UROC1: variants seen among roughly 807,000 people sequenced by gnomAD.
UROC1 encodes the protein urocanate hydratase.
In UROC1, 79 loss-of-function variants were observed where a neutral mutation model predicts 89.5. That is an observed-to-expected ratio of 0.88 (90% CI 0.74 to 1.06). The LOEUF (loss-of-function observed/expected upper bound fraction) is 1.06. Among genes scored for constraint, UROC1 ranks in the 50% least tolerant of loss-of-function variants. The pLI is 0.00. For synonymous variants in UROC1, 361 were observed against 354.8 expected (o/e 1.02, Z -0.20); for missense variants, 885 against 907.8 (o/e 0.97, Z 0.32).
chr3:126,486,737 G>C (rs549159967), intron 18 of UROC1, among the ~76,000 whole-genome samples: 60 of 152,244 alleles, frequency 3.9e-4, no homozygotes, highest in Non-Finnish European at 7.1e-4. Context: ...AGAGTTGCGG[G>C]GGGTGGGGCG....
At chr3:126,493,138 G>C (rs1442262298) in intron 15 of UROC1, among the ~76,000 whole-genome samples, 2 of 152,188 alleles carry the variant, frequency 1.3e-5, no homozygotes, top group Non-Finnish European at 2.9e-5. Context: ...TTGTCCCCGG[G>C]AGACAGCTTC....
rs754495263 is a variant in UROC1, at chr3:126,510,740, C to A, written c.181G>T (p.Ala61Ser). 6.2e-7 allele frequency: 1 copy of A among 1,614,176 alleles called. No individual in the cohort carries two copies. Among genetic ancestry groups the A allele is most frequent in the Admixed American group, 1.7e-5 (1 of 60,032 alleles). ...YFPPDVQELL[A>S]PEFAQELQLY... Reference sequence around the variant, plus strand: ...TGCAGCTCCTGGGCAAACTCTGGGGCCAGCAGCTCCTGGACATCCGGGGGG... The same window carrying A: ...TGCAGCTCCTGGGCAAACTCTGGGGACAGCAGCTCCTGGACATCCGGGGGG... The change falls in exon 2 of 20, where the codon GCC becomes TCC. Residue 61 changes from alanine to serine, a missense_variant. Ala to Ser is a moderately conservative substitution (Grantham distance 99). Transcript: ENST00000290868.
chr3:126,488,112 T>G, intron 18 of UROC1, 86 bp downstream of exon 18: 1 of 1,459,290 alleles, frequency 6.9e-7, no homozygotes, highest in African/African-American at 1.4e-5. Context: ...GGCCCAGGAC[T>G]TCAGGAACCT....
chr3:126,505,445 C>A (rs922424665), intron 8 of UROC1, among the ~76,000 whole-genome samples: 2 of 152,060 alleles, frequency 1.3e-5, no homozygotes, highest in African/African-American at 4.8e-5. Flanking sequence ...GTTTTGTGGT[C>A]AGAGTTTTGT....
intron 1 of UROC1, among the ~76,000 whole-genome samples, chr3:126,514,943 C>T (rs1013193695): frequency 2.0e-5 from 3 of 152,012 alleles, no homozygotes; most frequent in Admixed American, 2.0e-4. Flanking sequence ...TCTTCAAATA[C>T]ATATGTTAAA....
chr3:126,499,031 A>G (rs991673043), intron 13 of UROC1, among the ~76,000 whole-genome samples: 11 of 151,962 alleles, frequency 7.2e-5, no homozygotes, highest in African/African-American at 2.7e-4. Context: ...GCCTGTGAAG[A>G]CATATTATTC....
At position 126,489,370 on chromosome 3, in the gene UROC1, C is replaced by T. The variant is rs750426480; in HGVS notation, c.1614G>A (p.Pro538=). The T allele has an allele frequency of 5.0e-6, 8 of 1,611,690 alleles. No individual in the cohort carries two copies. The highest frequency in any genetic ancestry group is 2.2e-5 in the East Asian group (1 of 44,872). Reference sequence around the variant, plus strand: ...CATGGTGATCTCGGCTCAGGACCACCGGCGCCTGTGCATGGAAGGACAGAA... The same window carrying T: ...CATGGTGATCTCGGCTCAGGACCACTGGCGCCTGTGCATGGAAGGACAGAA... ...QAIACRRIKA[P]VVLSRDHHDV... is the part of the protein sequence containing the mutation. The change falls in exon 17 of 20, where the codon CCG becomes CCA. Residue 538 remains proline (P), a synonymous_variant. Coordinates refer to ENST00000290868, the MANE Select transcript of UROC1 (RefSeq NM_144639.3).
intron 4 of UROC1, 110 bp from the exon 5 acceptor site, chr3:126,508,205 T>C (rs1203408949): frequency 3.1e-6 from 5 of 1,597,250 alleles, no homozygotes; most frequent in Non-Finnish European, 4.3e-6. Flanking sequence ...CAGGTCTCCA[T>C]TCCACTCCAG....
chr3:126,510,123 C>A (rs78938393), intron 2 of UROC1, among the ~76,000 whole-genome samples: 1 of 152,152 alleles, frequency 6.6e-6, no homozygotes, highest in Non-Finnish European at 1.5e-5. Flanking sequence ...AAGCCTGGGC[C>A]GCTGGCACCT....
intron 15 of UROC1, among the ~76,000 whole-genome samples, chr3:126,495,722 TC>T (rs1935760462): frequency 6.6e-6 from 1 of 152,230 alleles, no homozygotes; most frequent in African/African-American, 2.4e-5. Context: ...TGCAGAAGCT[TC>T]CTCCTGATTT....
chr3:126,499,424 C>CTGTG lies in UROC1; in HGVS notation c.1244-16_1244-15insCACA. On this transcript the variant is annotated splice_polypyrimidine_tract_variant and intron_variant, in intron 12 of 19. Coordinates refer to ENST00000290868, the MANE Select transcript of UROC1 (RefSeq NM_144639.3). ...CACATCCGCTCCTGTGGGCAGAGCC[C>CTGTG]GGACAGTCACCACCCAAGGCAGGAC... is the stretch of plus-strand genomic sequence containing the variant. The CTGTG allele has an allele frequency of 1.2e-6, 2 of 1,607,362 alleles. No individual in the cohort carries two copies. The highest frequency in any genetic ancestry group is 1.7e-6 in the Non-Finnish European group (2 of 1,177,070).
chr3:126,503,617 A>G (rs1935986788), intron 9 of UROC1, among the ~76,000 whole-genome samples: 1 of 152,236 alleles, frequency 6.6e-6, no homozygotes, highest in Non-Finnish European at 1.5e-5. Context: ...CTGCGAGCCC[A>G]CACAGCAGGG....
chr3:126,507,117 A>G (rs1560125935), intron 6 of UROC1, among the ~76,000 whole-genome samples: 3 of 152,188 alleles, frequency 2.0e-5, no homozygotes, highest in Non-Finnish European at 4.4e-5. Context: ...CATTACCTCT[A>G]TAACAAATGA....
chr3:126,490,866 C>A (rs1282143541), intron 16 of UROC1, among the ~76,000 whole-genome samples: 2 of 152,172 alleles, frequency 1.3e-5, no homozygotes. Context: ...TTGCAGTGCA[C>A]CTGGGGAGCA....
At chr3:126,517,129 C>A (rs1452455192) in intron 1 of UROC1, among the ~76,000 whole-genome samples, 1 of 152,200 alleles carries the variant, frequency 6.6e-6, no homozygotes, top group African/African-American at 2.4e-5. Context: ...CTGGCCTCAG[C>A]CCATCTTTCC....
At chr3:126,487,166 C>T (rs553354411) in intron 18 of UROC1, among the ~76,000 whole-genome samples, 56 of 152,142 alleles carry the variant, frequency 3.7e-4, no homozygotes, top group Non-Finnish European at 6.8e-4. Flanking sequence ...GGCCTGCCTT[C>T]GGCTGTCTGT....
chr3:126,489,242 A>G lies in UROC1; in HGVS notation c.1708+34T>C, dbSNP rs748938156. The G allele has an allele frequency of 3.2e-6, 5 of 1,558,220 alleles. No homozygotes were observed. In the South Asian group the frequency reaches 3.3e-5, roughly 10 times the overall value. On this transcript the variant is annotated intron_variant, in intron 17 of 19. Coordinates refer to ENST00000290868, the MANE Select transcript of UROC1 (RefSeq NM_144639.3). ...CAATTTTTAATAAAATCCAAATCTA[A>G]GATGAAAGTTTAAGACATTCTCATC...
intron 2 of UROC1, among the ~76,000 whole-genome samples, 188 bp downstream of exon 2, chr3:126,510,476 G>A (rs981987577): frequency 1.7e-4 from 26 of 152,224 alleles, no homozygotes; most frequent in African/African-American, 5.3e-4. Context: ...GGCTCAGGGC[G>A]GCAGCCAGCG....
rs554899708 is a variant in UROC1 at position 126,501,724 on chromosome 3, G to A, written c.903-444C>T. ...CAGAAGATTTGAACAGGCCTTGCAGGTAGTAGAGATATCAAAAAGCAGCAA... is the reference window on the plus strand; with the variant it reads ...CAGAAGATTTGAACAGGCCTTGCAGATAGTAGAGATATCAAAAAGCAGCAA... On this transcript the variant is annotated intron_variant, in intron 9 of 19. Transcript: ENST00000290868. 2,759 of 1,504,508 alleles carry A rather than the reference G, an allele frequency of 1.8e-3. 6 individuals are homozygous for A. The highest frequency in any genetic ancestry group is 2.2e-3 in the Non-Finnish European group (2,381 of 1,103,504). 93.2% of individuals were successfully genotyped at this position (1,504,508 alleles called of 1,614,324 possible).
Sources: allele counts gnomAD v4.1 joint callset (sites outside exome capture counted in the v4.1 genomes callset), GRCh38; gene constraint gnomAD v4.1.1; transcripts MANE v1.5; gene names NCBI Gene and HGNC (gene_info 2026-07-23, HGNC 2026-07-21).